TENM2: variants seen among roughly 807,000 people sequenced by gnomAD.
TENM2 encodes teneurin transmembrane protein 2, also known as teneurin-2.
TENM2 carries 52 observed loss-of-function variants against 245.2 expected under a neutral mutation model. That is an observed-to-expected ratio of 0.21 (90% CI 0.17 to 0.27). The LOEUF is 0.27. Ranked by LOEUF, TENM2 falls within the 10% of genes least tolerant of loss-of-function variation. TENM2 has a pLI of 1.00. For missense variants in TENM2, 3,046 were observed against 3,666.8 expected, an observed-to-expected ratio of 0.83 and a Z score of 4.37; for synonymous variants, 1,363 against 1,438.9, an observed-to-expected ratio of 0.95 and a Z score of 1.19.
intron 2 of TENM2, among the ~76,000 whole-genome samples, chr5:167,695,744 AAC>A (rs2150418462): frequency 6.6e-6 from 1 of 152,018 alleles, no homozygotes; most frequent in South Asian, 2.1e-4. Context: ...AAAAAAACAA[AAC>A]AGAATTGGCT....
chr5:168,063,157 A>G (rs1790193471), intron 7 of TENM2, among the ~76,000 whole-genome samples: 1 of 152,198 alleles, frequency 6.6e-6, no homozygotes, highest in Non-Finnish European at 1.5e-5. Flanking sequence ...TATCACTAGG[A>G]GACATCTCAG....
At chr5:167,074,322 A>G in the TENM2 span, among the ~76,000 whole-genome samples, 3 of 152,108 alleles carry the variant, frequency 2.0e-5, no homozygotes, top group Non-Finnish European at 4.4e-5. Flanking sequence ...TTTCTAGCTG[A>G]AGTTTTTCTG....
intron 2 of TENM2, among the ~76,000 whole-genome samples, chr5:167,632,466 G>C (rs543331630): frequency 6.6e-6 from 1 of 152,264 alleles, no homozygotes; most frequent in African/African-American, 2.4e-5. Flanking sequence ...TATTAAATCA[G>C]CTCTTTAATA....
chr5:167,283,341 G>A (rs961336863), upstream of TENM2, among the ~76,000 whole-genome samples: 6 of 151,946 alleles, frequency 3.9e-5, no homozygotes, highest in South Asian at 2.1e-4. Context: ...CCAGCCAATC[G>A]TACCCTCTTT....
At chr5:167,813,939 A>G (rs10454960) in intron 2 of TENM2, among the ~76,000 whole-genome samples, 61,539 of 151,992 alleles carry the variant, frequency 0.4, 14,520 homozygotes, top group African/African-American at 0.64. Flanking sequence ...GGACGGGAGC[A>G]TGGGCATCGT....
intron 2 of TENM2, among the ~76,000 whole-genome samples, chr5:167,515,737 C>T (rs1348550306): frequency 7.9e-5 from 10 of 126,414 alleles, no homozygotes; most frequent in African/African-American, 2.7e-4. Flanking sequence ...GCCATCTTGG[C>T]TCACTGCAAG....
intron 2 of TENM2, among the ~76,000 whole-genome samples, chr5:167,813,677 C>T (rs1186140005): frequency 6.6e-6 from 1 of 152,082 alleles, no homozygotes; most frequent in Admixed American, 6.6e-5. Context: ...ACAGTTCCAA[C>T]CTCCCCCTCC....
At chr5:168,002,958 A>G (rs1015220653) in intron 5 of TENM2, among the ~76,000 whole-genome samples, 1 of 152,200 alleles carries the variant, frequency 6.6e-6, no homozygotes, top group Admixed American at 6.5e-5. Flanking sequence ...CAAATGAAAT[A>G]GTACAGTTAC....
chr5:167,968,648 G>T (rs979087843), intron 4 of TENM2, among the ~76,000 whole-genome samples: 1 of 152,162 alleles, frequency 6.6e-6, no homozygotes, highest in African/African-American at 2.4e-5. Flanking sequence ...GGTGGGAAAT[G>T]TTGCTTTACT....
chr5:167,600,290 TAAAG>T (rs1340720654), intron 2 of TENM2, among the ~76,000 whole-genome samples: 2 of 152,004 alleles, frequency 1.3e-5, no homozygotes, highest in African/African-American at 4.8e-5. Context: ...TTTATGAAAT[TAAAG>T]AAGATTGATT....
At chr5:167,008,208 G>A in the TENM2 span, among the ~76,000 whole-genome samples, 4 of 151,970 alleles carry the variant, frequency 2.6e-5, no homozygotes, top group Admixed American at 2.6e-4. Flanking sequence ...TATTTTTTTG[G>A]CTCTTACAGC....
intron 2 of TENM2, among the ~76,000 whole-genome samples, chr5:167,740,746 T>G (rs1561725744): frequency 6.6e-6 from 1 of 152,180 alleles, no homozygotes; most frequent in Non-Finnish European, 1.5e-5. Flanking sequence ...GCTGTCTTCT[T>G]TATTCTGCAA....
At chr5:168,261,867 C>G (rs2152724110) in intron 28 of TENM2, among the ~76,000 whole-genome samples, 182 bp from the exon 31 acceptor site, 1 of 152,298 alleles carries the variant, frequency 6.6e-6, no homozygotes, top group South Asian at 2.1e-4. Flanking sequence ...ATCCATAGTT[C>G]AGAGCACTGG....
chr5:167,554,669 G>A (rs1281868652), intron 2 of TENM2, among the ~76,000 whole-genome samples: 3 of 152,210 alleles, frequency 2.0e-5, no homozygotes, highest in Non-Finnish European at 2.9e-5. Flanking sequence ...GCACAGAAAG[G>A]TGAAGTAAGT....
intron 2 of TENM2, among the ~76,000 whole-genome samples, chr5:167,643,730 C>T (rs1779752185): frequency 1.3e-5 from 2 of 152,082 alleles, no homozygotes; most frequent in African/African-American, 4.8e-5. Flanking sequence ...AATAATTTCA[C>T]AATAGATTAT....
exon 22 of TENM2, chr5:168,216,895 C>T (rs771943794): frequency 6.8e-6 from 11 of 1,613,908 alleles, no homozygotes; most frequent in African/African-American, 2.7e-5. Context: ...GGCCGCTGAG[C>T]TGTGATTCCA....
chr5:167,814,453 CAAAAAAA>C (rs11324953), intron 2 of TENM2, among the ~76,000 whole-genome samples: 46 of 83,942 alleles, frequency 5.5e-4, no homozygotes, highest in African/African-American at 1.5e-3. Context: ...CACTCCGATT[CAAAAAAA>C]AAAAAAAAAG....
intron 2 of TENM2, among the ~76,000 whole-genome samples, chr5:167,804,936 A>AT (rs1224494718): frequency 6.6e-6 from 1 of 152,188 alleles, no homozygotes; most frequent in Non-Finnish European, 1.5e-5. Context: ...GTTTTGAGAC[A>AT]TTTTTTAACC....
chr5:167,037,131 C>G, the TENM2 span, among the ~76,000 whole-genome samples: 1 of 152,064 alleles, frequency 6.6e-6, no homozygotes, highest in African/African-American at 2.4e-5. Flanking sequence ...GTTTCTATTA[C>G]AAGAAGATTG....
Sources: gnomAD v4.1 joint callset for allele counts (sites outside exome capture counted in the v4.1 genomes callset) on GRCh38, gnomAD v4.1.1 for gene constraint, MANE v1.5 for transcripts, NCBI Gene and HGNC (gene_info 2026-07-23, HGNC 2026-07-21) for gene names.